SEPTIN3: variants seen among roughly 807,000 people sequenced by gnomAD.
SEPTIN3 encodes septin 3, also known as neuronal-specific septin-3.
Under a neutral mutation model 45.1 loss-of-function variants are expected in SEPTIN3, and 15 were observed. That is an observed-to-expected ratio of 0.33 (90% CI 0.22 to 0.51). SEPTIN3 has a LOEUF of 0.51. Ranked by LOEUF, SEPTIN3 falls within the 20% of genes least tolerant of loss-of-function variation. The pLI is 0.97. For missense variants in SEPTIN3, 289 were observed against 457.2 expected (o/e 0.63, Z 3.35); for synonymous variants, 148 against 164.8 (o/e 0.90, Z 0.78).
intron 2 of SEPTIN3, among the ~76,000 whole-genome samples, chr22:41,974,176 A>T (rs1484838578): frequency 6.6e-6 from 1 of 151,558 alleles, no homozygotes; most frequent in Non-Finnish European, 1.5e-5. Context: ...AAGAAAGGTT[A>T]ACAGGGGTAA....
chr22:41,986,111 T>C lies in SEPTIN3; in HGVS notation c.1824T>C (p.His608=), dbSNP rs572145932. The C allele has an allele frequency of 4.3e-6, 7 of 1,612,578 alleles. No individual in the cohort carries two copies. The South Asian group carries it at 5.5e-5, about 13-fold the overall frequency. ...CAGTGGAGATCAAAGCTATCGGGCATGGTGAGGACCAGGCAGGGACCCCTA... is the reference window on the plus strand; with the variant it reads ...CAGTGGAGATCAAAGCTATCGGGCACGGTGAGGACCAGGCAGGGACCCCTA... The part of the protein sequence containing the change: ...PKTVEIKAIG[H]VIEEGGVKMK... Residue 608 remains histidine, a splice_region_variant and synonymous_variant, in exon 4 of 12, where the codon CAT becomes CAC. Transcript: ENST00000644076.
intron 11 of SEPTIN3, chr22:41,996,693 C>G: frequency 7.0e-7 from 1 of 1,432,246 alleles, no homozygotes; most frequent in African/African-American, 1.4e-5. Context: ...AACAGGGATC[C>G]TTGGCTACTG....
At position 41,972,136 on chromosome 22, in the gene SEPTIN3, G is replaced by A. The variant is rs2077966634; in HGVS notation, c.644G>A (p.Gly215Glu). The A allele has an allele frequency of 2.5e-6, 1 of 399,122 alleles. No homozygotes were observed. The highest frequency in any genetic ancestry group is 4.4e-5 in the Admixed American group (1 of 22,732). 24.7% of individuals were successfully genotyped at this position (399,122 alleles called of 1,614,324 possible). The stretch of plus-strand genomic sequence containing the variant: ...GCAGAGCCAGGCTCGTTGGGCCAGG[G>A]GCACCTTGTCTCAGTGACTGACCAC... ...VLAEPGSLGQ[G>E]HLVSVTDHMP... is the part of the protein sequence containing the mutation. The change falls in exon 2 of 12, where the codon GGG (glycine) becomes GAG (glutamate). Residue 215 changes from glycine to glutamate, a missense_variant. Coordinates refer to ENST00000644076, the MANE Select transcript of SEPTIN3 (RefSeq NM_001363845.2).
At chr22:41,988,427 A>AG (rs67132243) in intron 6 of SEPTIN3, among the ~76,000 whole-genome samples, 5 of 151,878 alleles carry the variant, frequency 3.3e-5, no homozygotes, top group Non-Finnish European at 7.4e-5. Flanking sequence ...AGACCGGGGG[A>AG]GGGGGGTCCC....
intron 5 of SEPTIN3, 46 bp from the exon 6 acceptor site, chr22:41,987,576 A>C (rs1279231562): frequency 6.9e-6 from 11 of 1,586,592 alleles, no homozygotes; most frequent in South Asian, 1.1e-5. Context: ...GCTGAGCCCT[A>C]GGTCTTGTTC....
At chr22:41,995,803 A>G in intron 11 of SEPTIN3, 1 of 913,252 alleles carries the variant, frequency 1.1e-6, no homozygotes, top group Non-Finnish European at 1.3e-6. Flanking sequence ...AGGGAAACAC[A>G]GTGAGTTATG....
At chr22:41,990,651 CA>C (rs2078296195) in intron 7 of SEPTIN3, among the ~76,000 whole-genome samples, 2 of 145,062 alleles carry the variant, frequency 1.4e-5, no homozygotes, top group African/African-American at 5.2e-5. Context: ...GAGGCTGAGG[CA>C]GGAGAATGGC....
In SEPTIN3 at chr22:41,977,112, G is replaced by A. The variant is rs761767425; in HGVS notation, c.1504+4116G>A. On this transcript the variant is annotated intron_variant, in intron 2 of 11. Coordinates refer to ENST00000644076, the MANE Select transcript of SEPTIN3 (RefSeq NM_001363845.2). ...GCCAGGCCACCGGCACCCGCCAGGA[G>A]GAGGCTGCGGCCCCGGCCAGCGCGG... is the stretch of plus-strand genomic sequence containing the variant. 5 of 1,582,850 alleles carry A rather than the reference G, an allele frequency of 3.2e-6. No individual in the cohort carries two copies. In the African/African-American group the frequency reaches 4.1e-5, roughly 13 times the overall value.
chr22:41,994,879 T>G lies in SEPTIN3; in HGVS notation c.2505+165T>G. 1 of 1,442,538 alleles carries G rather than the reference T, an allele frequency of 6.9e-7. No homozygotes were observed. Among genetic ancestry groups the G allele is most frequent in the Non-Finnish European group, 9.0e-7 (1 of 1,105,288 alleles). 89.4% of individuals were successfully genotyped at this position (1,442,538 alleles called of 1,614,324 possible). A position where few individuals can be genotyped will look rare whatever the true frequency, so the allele number is the denominator to read the frequency against. ...GCCTGTCTGGTATTTGTGGAGCATC[T>G]TGTCTGTGTGTGTGTGTGTGTGTGT... On this transcript the variant is annotated intron_variant, in intron 11 of 11. Coordinates refer to ENST00000644076, the MANE Select transcript of SEPTIN3 (RefSeq NM_001363845.2). This position sits in a 1 kb window ranked among gnomAD's most constrained non-coding sequence, Gnocchi z 4.2.
chr22:41,985,423 T>C (rs5758532), intron 3 of SEPTIN3, among the ~76,000 whole-genome samples: 146,346 of 152,280 alleles, frequency 0.96, 70,383 homozygotes, highest in East Asian at 1. Flanking sequence ...TATTAGGGTT[T>C]GAGTTCCTGG....
In SEPTIN3 at chr22:41,988,611, T is replaced by C. The variant is rs533034458; in HGVS notation, c.2045+852T>C. The stretch of plus-strand genomic sequence containing the variant: ...CTCAACAGAAGGCTGGTTTTATCCC[T>C]CCCTAGGCTTCGACCCCCTGGTCAG... On this transcript the variant is annotated intron_variant, in intron 6 of 11. Coordinates refer to ENST00000644076, the MANE Select transcript of SEPTIN3 (RefSeq NM_001363845.2). Among the ~76,000 whole-genome samples the C allele has an allele frequency of 2.6e-5, 4 of 152,266 alleles. No individual in the cohort carries two copies. In the South Asian group the frequency reaches 8.3e-4, roughly 32 times the overall value.
intron 3 of SEPTIN3, chr22:41,982,077 G>C: frequency 1.9e-6 from 1 of 538,774 alleles, no homozygotes; most frequent in Non-Finnish European, 3.3e-6. Flanking sequence ...GTGTACACAG[G>C]CAGCCCCTTC....
At chr22:41,985,026 G>C (rs2078182836) in intron 3 of SEPTIN3, among the ~76,000 whole-genome samples, 1 of 151,702 alleles carries the variant, frequency 6.6e-6, no homozygotes, top group Admixed American at 6.6e-5. Flanking sequence ...CTAATTTTTT[G>C]TATTTTTTTT....
chr22:41,982,300 G>A (rs1233354220), intron 3 of SEPTIN3: 1 of 157,870 alleles, frequency 6.3e-6, no homozygotes, highest in Non-Finnish European at 1.4e-5. Context: ...CCTGAGGTCG[G>A]GAGTTTGAGA....
chr22:41,985,930 G>T, intron 3 of SEPTIN3, 54 bp from the exon 4 acceptor site: 1 of 1,541,462 alleles, frequency 6.5e-7, no homozygotes, highest in South Asian at 1.2e-5. Flanking sequence ...AGAAATATTA[G>T]GCTCAGGAGG....
chr22:41,978,151 C>T (rs1036573966), intron 2 of SEPTIN3, among the ~76,000 whole-genome samples: 3 of 152,194 alleles, frequency 2.0e-5, no homozygotes, highest in African/African-American at 7.2e-5. Context: ...TTGACTGTGG[C>T]GGAGACAACA....
rs1219660294 is a variant in SEPTIN3 at position 41,976,002 on chromosome 22, G to C, written c.1504+3006G>C. Among the ~76,000 whole-genome samples the C allele has an allele frequency of 6.6e-6, 1 of 152,150 alleles. No individual in the cohort carries two copies. Among genetic ancestry groups the C allele is most frequent in the African/African-American group, 2.4e-5 (1 of 41,426 alleles). ...TACACACCTGTCTGGAATTTTCTCT[G>C]CTTCAGCGACACCAAGGACTCTGGG... On this transcript the variant is annotated intron_variant, in intron 2 of 11. Transcript: ENST00000644076. The surrounding 1 kb of genome is among the most constrained non-coding windows in gnomAD (Gnocchi z 5.8).
At chr22:41,986,881 C>T (rs900774624) in intron 4 of SEPTIN3, among the ~76,000 whole-genome samples, 22 of 151,964 alleles carry the variant, frequency 1.4e-4, no homozygotes, top group African/African-American at 5.3e-4. Flanking sequence ...GAGGCTGAGG[C>T]GACAGCATCA....
At chr22:41,996,815 A>G in intron 11 of SEPTIN3, 87 bp from the exon 12 acceptor site, 2 of 1,584,020 alleles carry the variant, frequency 1.3e-6, no homozygotes, top group South Asian at 2.3e-5. Context: ...CTGAACCATG[A>G]TCTGAGCCTC....
Sources: gnomAD v4.1 joint callset for allele counts (sites outside exome capture counted in the v4.1 genomes callset) on GRCh38, gnomAD v4.1.1 for gene constraint, Gnocchi (gnomAD v3.1) non-coding constraint, MANE v1.5 for transcripts, NCBI Gene and HGNC (gene_info 2026-07-23, HGNC 2026-07-21) for gene names.